WWP1: variants seen among roughly 807,000 people sequenced by gnomAD.
The protein encoded by WWP1 is WW domain containing E3 ubiquitin protein ligase 1, also known as NEDD4-like E3 ubiquitin-protein ligase WWP1.
Under a neutral mutation model 130.6 loss-of-function variants are expected in WWP1, and 49 were observed. The observed-to-expected ratio is 0.38, with a 90% CI of 0.30 to 0.48. The LOEUF is 0.48. Ranked by LOEUF, WWP1 falls within the 20% of genes least tolerant of loss-of-function variation. WWP1 has a pLI of 0.99. For synonymous variants in WWP1, 332 were observed against 367.8 expected, an observed-to-expected ratio of 0.90 and a Z score of 1.11; for missense variants, 809 against 1,100.6, an observed-to-expected ratio of 0.74 and a Z score of 3.75.
At chr8:86,377,484 T>A (rs1376360343) in intron 3 of WWP1, among the ~76,000 whole-genome samples, 1 of 152,044 alleles carries the variant, frequency 6.6e-6, no homozygotes, top group Non-Finnish European at 1.5e-5. Flanking sequence ...TAAACCGAGG[T>A]TCTCTGCCCT....
intron 1 of WWP1, among the ~76,000 whole-genome samples, chr8:86,365,599 G>A (rs148052948): frequency 5.3e-5 from 8 of 152,176 alleles, no homozygotes; most frequent in African/African-American, 1.9e-4. Context: ...CAGGAGAGGG[G>A]CATTCTTGTG....
chr8:86,371,642 TAC>T (rs1405564774), intron 2 of WWP1, among the ~76,000 whole-genome samples: 3 of 152,240 alleles, frequency 2.0e-5, no homozygotes, highest in African/African-American at 7.2e-5. Context: ...TCTGTATAAT[TAC>T]AGTTAAGCCT....
At chr8:86,345,222 C>T (rs1038349977) in intron 1 of WWP1, among the ~76,000 whole-genome samples, 1 of 152,158 alleles carries the variant, frequency 6.6e-6, no homozygotes, top group Non-Finnish European at 1.5e-5. Flanking sequence ...CCATTTTGAG[C>T]AAGATCATGA....
At chr8:86,430,622 C>A in intron 11 of WWP1, 75 bp from the exon 12 acceptor site, 3 of 1,225,838 alleles carry the variant, frequency 2.4e-6, no homozygotes, top group Non-Finnish European at 3.4e-6. Flanking sequence ...GATTCTGCCA[C>A]ATGCTTGGCT....
At position 86,342,553 on chromosome 8, in the gene WWP1, G is replaced by T. The variant is rs757299775; in HGVS notation, c.-492G>T. On this transcript the variant is annotated 5_prime_UTR_variant, in exon 1 of 25. Coordinates refer to ENST00000517970, the MANE Select transcript of WWP1 (RefSeq NM_007013.4). ...GCATGCTCGGGGGAGGCGGATTCCG[G>T]GTCCGGAGTTGGAGGCTTTGGGCGG... 1.3e-5 allele frequency among the ~76,000 whole-genome samples: 2 copies of T among 151,690 alleles called. No individual in the cohort carries two copies. Among genetic ancestry groups the T allele is most frequent in the Non-Finnish European group, 2.9e-5 (2 of 67,902 alleles).
intron 17 of WWP1, among the ~76,000 whole-genome samples, chr8:86,440,362 G>A (rs1810524633): frequency 1.3e-5 from 2 of 152,100 alleles, no homozygotes; most frequent in Admixed American, 6.5e-5. Context: ...AGAGTTTACA[G>A]GATTGATATA....
At chr8:86,438,226 C>T (rs1810404183) in intron 16 of WWP1, among the ~76,000 whole-genome samples, 1 of 152,192 alleles carries the variant, frequency 6.6e-6, no homozygotes, top group South Asian at 2.1e-4. Context: ...TCCTCATTCT[C>T]ATTGTCTTCA....
At chr8:86,401,910 GAAAT>G in intron 7 of WWP1, 105 bp from the exon 8 acceptor site, 2 of 1,141,268 alleles carry the variant, frequency 1.8e-6, no homozygotes, top group Admixed American at 3.4e-5. Context: ...TTTTAAAAAA[GAAAT>G]AACAAAAAAG....
chr8:86,390,183 C>G (rs1199884881), intron 5 of WWP1, among the ~76,000 whole-genome samples: 1 of 150,598 alleles, frequency 6.6e-6, no homozygotes, highest in Non-Finnish European at 1.5e-5. Flanking sequence ...GGATGGCGGC[C>G]AGGAAGAGGC....
intron 9 of WWP1, among the ~76,000 whole-genome samples, chr8:86,423,879 G>A (rs1320501303): frequency 2.0e-5 from 3 of 147,790 alleles, no homozygotes; most frequent in African/African-American, 7.5e-5. Context: ...TCCCGGACGG[G>A]GCGGCTGGCC....
chr8:86,456,679 A>G (rs1429776293), intron 21 of WWP1, among the ~76,000 whole-genome samples: 1 of 151,980 alleles, frequency 6.6e-6, no homozygotes, highest in Non-Finnish European at 1.5e-5. Flanking sequence ...CATCAATGCT[A>G]AAAATTGAAA....
chr8:86,417,951 T>C (rs1808981424), intron 9 of WWP1, among the ~76,000 whole-genome samples: 1 of 152,208 alleles, frequency 6.6e-6, no homozygotes, highest in Non-Finnish European at 1.5e-5. Context: ...AGTGGCCTTA[T>C]GTAAAAAAAC....
chr8:86,384,646 T>C (rs1467722761), intron 5 of WWP1, among the ~76,000 whole-genome samples: 1 of 152,210 alleles, frequency 6.6e-6, no homozygotes, highest in Non-Finnish European at 1.5e-5. Flanking sequence ...TGAGTTTTAG[T>C]TGGCTATCAG....
chr8:86,388,572 T>C (rs1232096645), intron 5 of WWP1, among the ~76,000 whole-genome samples: 3 of 152,220 alleles, frequency 2.0e-5, no homozygotes, highest in African/African-American at 7.2e-5. Context: ...TTTTTCCCTC[T>C]AGGTAGTTCA....
At chr8:86,466,569 A>G (rs1812165043) in intron 24 of WWP1, among the ~76,000 whole-genome samples, 1 of 151,592 alleles carries the variant, frequency 6.6e-6, no homozygotes, top group South Asian at 2.1e-4. Context: ...GTCTTTATCC[A>G]TATTGCTACA....
At chr8:86,358,032 G>T (rs148988410) in intron 1 of WWP1, among the ~76,000 whole-genome samples, 300 of 152,200 alleles carry the variant, frequency 2.0e-3, no homozygotes, top group African/African-American at 6.8e-3. Flanking sequence ...ATAGTTTGGG[G>T]GTTAGCATAT....
At chr8:86,365,640 T>C (rs544792351) in intron 1 of WWP1, among the ~76,000 whole-genome samples, 5 of 152,224 alleles carry the variant, frequency 3.3e-5, no homozygotes, top group Admixed American at 6.5e-5. Flanking sequence ...ATCAGTGATA[T>C]AGGGAGAGGT....
intron 22 of WWP1, among the ~76,000 whole-genome samples, chr8:86,459,877 T>C (rs987277064): frequency 5.3e-5 from 8 of 152,226 alleles, no homozygotes; most frequent in Non-Finnish European, 7.3e-5. Flanking sequence ...TTAGGGAAAG[T>C]GATGAGGTTT....
intron 1 of WWP1, among the ~76,000 whole-genome samples, chr8:86,362,420 G>A (rs1823722461): frequency 6.6e-6 from 1 of 151,544 alleles, no homozygotes; most frequent in South Asian, 2.1e-4. Context: ...GGAGAAAGTA[G>A]GTGTAAGGTG....
Sources: gnomAD v4.1 joint callset for allele counts (sites outside exome capture counted in the v4.1 genomes callset) on GRCh38, gnomAD v4.1.1 for gene constraint, MANE v1.5 for transcripts, NCBI Gene and HGNC (gene_info 2026-07-23, HGNC 2026-07-21) for gene names.